The following SSR1 variants were observed in gnomAD, a reference collection of about 807,000 sequenced individuals.
SSR1 encodes signal sequence receptor subunit 1, also known as translocon-associated protein subunit alpha.
Under a neutral mutation model 36.1 loss-of-function variants are expected in SSR1, and 13 were observed. The observed-to-expected ratio is 0.36, with a 90% CI of 0.23 to 0.57. The LOEUF is 0.57. SSR1 is among the 20% of genes least tolerant of loss of function. The pLI, the probability that SSR1 is intolerant of heterozygous loss-of-function variation, is 0.81. For missense variants in SSR1, 291 were observed against 338.5 expected, an observed-to-expected ratio of 0.86 and a Z score of 1.10; for synonymous variants, 113 against 118.9, an observed-to-expected ratio of 0.95 and a Z score of 0.32.
intron 2 of SSR1, among the ~76,000 whole-genome samples, chr6:7,307,023 C>T (rs1010003183): frequency 2.0e-5 from 3 of 151,918 alleles, no homozygotes; most frequent in Non-Finnish European, 4.4e-5. Flanking sequence ...CTGTTGATAT[C>T]TTAGATCTTA....
At chr6:7,310,060 CCT>C in intron 1 of SSR1, 31 bp from the exon 2 acceptor site, 1 of 1,560,476 alleles carries the variant, frequency 6.4e-7, no homozygotes, top group Non-Finnish European at 8.8e-7. Flanking sequence ...AAGCAGTTAC[CCT>C]TTACTCTGAA....
chr6:7,288,336 T>C lies in SSR1; in HGVS notation c.*1528A>G, dbSNP rs1757600341. On this transcript the variant is annotated 3_prime_UTR_variant, in exon 8 of 8. Coordinates refer to ENST00000244763, the MANE Select transcript of SSR1 (RefSeq NM_003144.5). ...AATTAAAAACTCAAACACTTTATAT[T>C]ACAGATATAGAGTTTATAATCCAGC... 6.6e-6 allele frequency: 1 copy of C among 152,200 alleles called. No individual in the cohort carries two copies. Among genetic ancestry groups the C allele is most frequent in the African/African-American group, 2.4e-5 (1 of 41,456 alleles). The allele number at this position is 152,200 out of a possible 1,614,324, so 9.4% of individuals were successfully genotyped here. A position where few individuals can be genotyped will look rare whatever the true frequency, so the allele number is the denominator to read the frequency against.
chr6:7,298,826 G>GT lies in SSR1; in HGVS notation c.544-4dup. ...ACTGCATCTTGGAATACATTGCCCT[G>GT]TTTAAGAAAATAAAATAATCAGAAA... On this transcript the variant is annotated splice_polypyrimidine_tract_variant and splice_region_variant and intron_variant, in intron 4 of 7. Coordinates refer to ENST00000244763, the MANE Select transcript of SSR1 (RefSeq NM_003144.5). 1 of 1,609,432 alleles carries GT rather than the reference G, an allele frequency of 6.2e-7. No homozygotes were observed. The highest frequency in any genetic ancestry group is 1.1e-5 in the South Asian group (1 of 90,892).
chr6:7,282,432 A>G lies in SSR1; in HGVS notation c.*7432T>C, dbSNP rs1757446077. The G allele has an allele frequency of 6.6e-6, 1 of 152,248 alleles. No homozygotes were observed. The allele number at this position is 152,248 out of a possible 1,614,324, so 9.4% of individuals were successfully genotyped here. On this transcript the variant is annotated 3_prime_UTR_variant, in exon 8 of 8. Coordinates refer to ENST00000244763, the MANE Select transcript of SSR1 (RefSeq NM_003144.5). The stretch of plus-strand genomic sequence containing the variant: ...AGACTGGAAGGGACAGGAGCTGGTG[A>G]CCATGAAGCAGTTCAGACTCAGCTC...
At chr6:7,296,737 A>G (rs1376562906) in intron 6 of SSR1, 1 of 152,168 alleles carries the variant, frequency 6.6e-6, no homozygotes, top group African/African-American at 2.4e-5. Flanking sequence ...GGAATGGGGA[A>G]GAGGAGGGAA....
chr6:7,299,322 CAAGG>C (rs990126664), intron 4 of SSR1, among the ~76,000 whole-genome samples: 3 of 152,176 alleles, frequency 2.0e-5, no homozygotes, highest in Admixed American at 6.5e-5. Flanking sequence ...TCCTTCAAAA[CAAGG>C]AAGGAAGAGT....
intron 2 of SSR1, among the ~76,000 whole-genome samples, chr6:7,304,527 T>C (rs190063662): frequency 4.5e-4 from 68 of 151,916 alleles, no homozygotes; most frequent in African/African-American, 1.6e-3. Flanking sequence ...AAAAAAAGAG[T>C]GTGACCAGAG....
rs554076178 is a variant in SSR1 at position 7,305,696 on chromosome 6, T to G, written c.193-2059A>C. On this transcript the variant is annotated intron_variant, in intron 2 of 7. Transcript: ENST00000244763. ...AGAAGAGAACAAGGACAACTCATTA[T>G]TAAGAAGAAAATGCAGAACGATGGG... Among the ~76,000 whole-genome samples, 173 of 152,360 alleles carry G rather than the reference T, an allele frequency of 1.1e-3. 3 individuals are homozygous for G. The Middle Eastern group carries it at 0.017, about 15-fold the overall frequency.
At chr6:7,298,054 G>A (rs2714309) in intron 5 of SSR1, 53 bp from the exon 6 acceptor site, 451,596 of 1,304,062 alleles carry the variant, frequency 0.35, 81,919 homozygotes, top group South Asian at 0.54. Context: ...GAAATACCAC[G>A]TCTAATTACA....
intron 2 of SSR1, among the ~76,000 whole-genome samples, chr6:7,306,779 G>A (rs988464145): frequency 9.2e-5 from 14 of 151,948 alleles, no homozygotes; most frequent in South Asian, 2.1e-4. Flanking sequence ...AGCCGGGTGT[G>A]GTGGCGGGCG....
intron 2 of SSR1, 125 bp downstream of exon 2, chr6:7,309,792 T>C: frequency 2.5e-6 from 2 of 789,586 alleles, no homozygotes; most frequent in Non-Finnish European, 4.3e-6. Context: ...TGCTGAACTG[T>C]GGGTCAATGA....
rs1052247443 is a variant in SSR1, at chr6:7,282,655, T to C, written c.*7209A>G. The C allele has an allele frequency of 6.6e-6, 1 of 152,242 alleles. No homozygotes were observed. Among genetic ancestry groups the C allele is most frequent in the Non-Finnish European group, 1.5e-5 (1 of 68,058 alleles). The allele number at this position is 152,242 out of a possible 1,614,324, so 9.4% of individuals were successfully genotyped here. A position where few individuals can be genotyped will look rare whatever the true frequency, so the allele number is the denominator to read the frequency against. On this transcript the variant is annotated 3_prime_UTR_variant, in exon 8 of 8. Transcript: ENST00000244763. ...GCAGGGGGCTTCAGTATAAACCAGA[T>C]GTGTGCTAGCTGGGTGGACTTCAAG...
At chr6:7,303,098 C>A (rs1238271550) in intron 3 of SSR1, among the ~76,000 whole-genome samples, 1 of 135,420 alleles carries the variant, frequency 7.4e-6, no homozygotes, top group East Asian at 2.3e-4. Context: ...GAGATCATAC[C>A]ACTGCACTCC....
rs935252023 is a variant in SSR1, at chr6:7,309,923, T to C, written c.186A>G (p.Thr62=). ...AATAGTATGTAACACTAACCAAATC[T>C]GTGGGTTCATCTTCTTCTACCTCGG... ...DEAEVEEDEP[T]DLVEDKEEED... Residue 62 remains threonine, a synonymous_variant, in exon 2 of 8, where the codon ACA becomes ACG. Coordinates refer to ENST00000244763, the MANE Select transcript of SSR1 (RefSeq NM_003144.5). 1.2e-6 allele frequency: 2 copies of C among 1,611,036 alleles called. No homozygotes were observed. The highest frequency in any genetic ancestry group is 2.7e-5 in the African/African-American group (2 of 74,850).
rs62387311 is a variant in SSR1 at position 7,291,967 on chromosome 6, G to A, written c.794-2036C>T. Among the ~76,000 whole-genome samples, 666 of 152,238 alleles carry A rather than the reference G, an allele frequency of 4.4e-3. 8 individuals carry two copies. Among genetic ancestry groups the A allele is most frequent in the African/African-American group, 0.015 (629 of 41,530 alleles). On this transcript the variant is annotated intron_variant, in intron 7 of 7. Transcript: ENST00000244763. ...GTGCGTCTGTAGTCCCAGTTATTTGGGAGGCTGAGGTGGGCGGATTGAGCC... is the reference window on the plus strand; with the variant it reads ...GTGCGTCTGTAGTCCCAGTTATTTGAGAGGCTGAGGTGGGCGGATTGAGCC...
In SSR1 at chr6:7,287,019, G is replaced by A. The variant is rs1030259263; in HGVS notation, c.*2845C>T. Reference sequence around the variant, plus strand: ...TTTAGGAACTAAAATACAGGGTCTAGTCTTGGCAAGAGATGGTATGTGTCA... The same window carrying A: ...TTTAGGAACTAAAATACAGGGTCTAATCTTGGCAAGAGATGGTATGTGTCA... On this transcript the variant is annotated 3_prime_UTR_variant, in exon 8 of 8. Coordinates refer to ENST00000244763, the MANE Select transcript of SSR1 (RefSeq NM_003144.5). 1 of 151,552 alleles carries A rather than the reference G, an allele frequency of 6.6e-6. No homozygotes were observed. The highest frequency in any genetic ancestry group is 2.4e-5 in the African/African-American group (1 of 41,198). The allele number at this position is 151,552 out of a possible 1,614,324, so 9.4% of individuals were successfully genotyped here. A position where few individuals can be genotyped will look rare whatever the true frequency, so the allele number is the denominator to read the frequency against.
chr6:7,292,123 A>G (rs893015678), intron 7 of SSR1, among the ~76,000 whole-genome samples: 13 of 152,188 alleles, frequency 8.5e-5, no homozygotes, highest in East Asian at 1.9e-4. Context: ...CACTGATGCT[A>G]TATGTCCCAA....
chr6:7,306,742 C>T (rs1207665275), intron 2 of SSR1, among the ~76,000 whole-genome samples: 1 of 151,668 alleles, frequency 6.6e-6, no homozygotes, highest in Non-Finnish European at 1.5e-5. Flanking sequence ...TGGTGAAACC[C>T]CGTCTCTACT....
chr6:7,298,707 C>T (rs113834528), intron 5 of SSR1, 40 bp downstream of exon 5: 18 of 1,483,872 alleles, frequency 1.2e-5, no homozygotes, highest in Middle Eastern at 1.7e-4. Context: ...TCTTACTTTA[C>T]GAGCAAAATC....
Sources: gnomAD v4.1 joint callset for allele counts (sites outside exome capture counted in the v4.1 genomes callset) on GRCh38, gnomAD v4.1.1 for gene constraint, MANE v1.5 for transcripts, NCBI Gene and HGNC (gene_info 2026-07-23, HGNC 2026-07-21) for gene names.